The following RBM20 variants were observed in gnomAD, a reference collection of about 807,000 sequenced individuals.
RBM20 encodes the protein RNA-binding protein 20.
A neutral mutation model predicts 110.1 loss-of-function variants in RBM20; 51 were observed. The ratio of observed to expected loss-of-function variants is 0.46; its 90% CI spans 0.37 to 0.59. The LOEUF is 0.59. Ranked by LOEUF, RBM20 falls within the 20% of genes least tolerant of loss-of-function variation. The pLI, the probability that RBM20 is intolerant of heterozygous loss-of-function variation, is 0.00. For synonymous variants in RBM20, 589 were observed against 618.2 expected, an observed-to-expected ratio of 0.95 and a Z score of 0.70; for missense variants, 1,512 against 1,574.9, an observed-to-expected ratio of 0.96 and a Z score of 0.68.
chr10:110,655,176 A>G (rs1862003353), intron 1 of RBM20, among the ~76,000 whole-genome samples: 1 of 152,232 alleles, frequency 6.6e-6, no homozygotes, highest in African/African-American at 2.4e-5. Flanking sequence ...AAAATATTAT[A>G]GAAAAAAATG....
At chr10:110,643,987 T>A (rs1350578151), upstream of RBM20, among the ~76,000 whole-genome samples, 1 of 152,172 alleles carries the variant, frequency 6.6e-6, no homozygotes, top group Admixed American at 6.5e-5. Flanking sequence ...GCCGGAGGAC[T>A]CAGGGCTCCC....
intron 5 of RBM20, among the ~76,000 whole-genome samples, chr10:110,795,409 G>T (rs1844537699): frequency 6.6e-6 from 1 of 152,216 alleles, no homozygotes; most frequent in African/African-American, 2.4e-5. Flanking sequence ...GAAAGTGCTT[G>T]ACCTCTGGAC....
At chr10:110,793,966 G>C (rs1220826533) in intron 5 of RBM20, among the ~76,000 whole-genome samples, 1 of 152,208 alleles carries the variant, frequency 6.6e-6, no homozygotes, top group Middle Eastern at 3.2e-3. Context: ...AGAGAGCCCG[G>C]GTTGGGAATT....
intron 1 of RBM20, among the ~76,000 whole-genome samples, chr10:110,710,516 A>G (rs59081289): frequency 0.28 from 42,224 of 152,032 alleles, 6,129 homozygotes; most frequent in East Asian, 0.32. Context: ...TCAGAGAGCC[A>G]CTTTTCCATC....
At chr10:110,779,892 C>T (rs373935960) in intron 1 of RBM20, among the ~76,000 whole-genome samples, 2 of 152,208 alleles carry the variant, frequency 1.3e-5, no homozygotes, top group Non-Finnish European at 2.9e-5. Context: ...GTGTTTGGCA[C>T]AAATGTAAAC....
At chr10:110,710,542 C>T (rs533154481) in intron 1 of RBM20, among the ~76,000 whole-genome samples, 9 of 152,366 alleles carry the variant, frequency 5.9e-5, no homozygotes, top group African/African-American at 2.2e-4. Flanking sequence ...TTCTCTGCCT[C>T]CCAGTTAAAC....
chr10:110,672,691 A>C (rs1030110772), intron 1 of RBM20, among the ~76,000 whole-genome samples: 4 of 152,186 alleles, frequency 2.6e-5, no homozygotes, highest in Non-Finnish European at 5.9e-5. Flanking sequence ...TTTCTCCTGG[A>C]GTGGGAAGGC....
In RBM20 at chr10:110,655,010, C is replaced by T. The variant is rs1862001576; in HGVS notation, c.191+10365C>T. 3.3e-5 allele frequency among the ~76,000 whole-genome samples: 5 copies of T among 152,168 alleles called. No homozygotes were observed. In the South Asian group the frequency reaches 1.0e-3, roughly 32 times the overall value. Reference sequence around the variant, plus strand: ...TGCAGATGAGGAAACTGAGGCACAACCTTACTAGGACCCAGGAAAGCTAAG... The same window carrying T: ...TGCAGATGAGGAAACTGAGGCACAATCTTACTAGGACCCAGGAAAGCTAAG... On this transcript the variant is annotated intron_variant, in intron 1 of 13. Transcript: ENST00000369519.
At chr10:110,804,707 C>T (rs1844673637) in intron 7 of RBM20, among the ~76,000 whole-genome samples, 1 of 152,170 alleles carries the variant, frequency 6.6e-6, no homozygotes, top group East Asian at 1.9e-4. Flanking sequence ...TTCCTGCAGA[C>T]CTGGACAAGA....
chr10:110,720,628 G>A (rs898320667), intron 1 of RBM20, among the ~76,000 whole-genome samples: 1 of 151,568 alleles, frequency 6.6e-6, no homozygotes, highest in African/African-American at 2.4e-5. Flanking sequence ...TTGGATCCCT[G>A]CAGTGCCTGT....
At chr10:110,728,605 T>C (rs1477239325) in intron 1 of RBM20, among the ~76,000 whole-genome samples, 1 of 152,196 alleles carries the variant, frequency 6.6e-6, no homozygotes, top group Non-Finnish European at 1.5e-5. Context: ...TGTCATTCAT[T>C]GTGCCTACTT....
chr10:110,724,934 G>A (rs770517140), intron 1 of RBM20, among the ~76,000 whole-genome samples: 19 of 152,100 alleles, frequency 1.2e-4, no homozygotes, highest in Non-Finnish European at 2.1e-4. Flanking sequence ...TCAGGTCTTC[G>A]AGGAGGAGTC....
intron 5 of RBM20, among the ~76,000 whole-genome samples, chr10:110,787,240 C>A (rs1844429863): frequency 6.6e-6 from 1 of 152,202 alleles, no homozygotes; most frequent in Non-Finnish European, 1.5e-5. Flanking sequence ...ACATCCCATG[C>A]AGCTCTGCAG....
At chr10:110,832,779 C>T (rs1845073573) in intron 13 of RBM20, among the ~76,000 whole-genome samples, 1 of 152,164 alleles carries the variant, frequency 6.6e-6, no homozygotes, top group Admixed American at 6.5e-5. Flanking sequence ...AGGCTATGCC[C>T]AAACTCAAGT....
At chr10:110,644,195 C>T (rs1041942567), upstream of RBM20, among the ~76,000 whole-genome samples, 2 of 152,162 alleles carry the variant, frequency 1.3e-5, no homozygotes, top group Non-Finnish European at 2.9e-5. This position sits in a 1 kb window ranked among gnomAD's most constrained non-coding sequence, Gnocchi z 4.3. Context: ...CTGAGCAGCC[C>T]CCGGCCGCAG....
At chr10:110,746,358 A>T (rs1843780489) in intron 1 of RBM20, among the ~76,000 whole-genome samples, 1 of 152,336 alleles carries the variant, frequency 6.6e-6, no homozygotes, top group Middle Eastern at 3.4e-3. Context: ...GGCTTCCAGG[A>T]ATTTGTGGCC....
At chr10:110,678,345 G>GA (rs1862371725) in intron 1 of RBM20, among the ~76,000 whole-genome samples, 3 of 152,314 alleles carry the variant, frequency 2.0e-5, no homozygotes, top group South Asian at 4.1e-4. Flanking sequence ...TCACTAAATG[G>GA]AATTCTGTTT....
chr10:110,796,803 C>T (rs1307019267), intron 5 of RBM20, among the ~76,000 whole-genome samples: 4 of 152,142 alleles, frequency 2.6e-5, no homozygotes, highest in Non-Finnish European at 4.4e-5. Context: ...CTTGTCATGG[C>T]TATGTAGTTT....
At chr10:110,744,003 C>T (rs1843750250) in intron 1 of RBM20, among the ~76,000 whole-genome samples, 1 of 152,104 alleles carries the variant, frequency 6.6e-6, no homozygotes, top group Non-Finnish European at 1.5e-5. Flanking sequence ...GGTGGGGGCT[C>T]CAGTCCCCTT....
Sources: gnomAD v4.1 joint callset for allele counts (sites outside exome capture counted in the v4.1 genomes callset) on GRCh38, gnomAD v4.1.1 for gene constraint, Gnocchi (gnomAD v3.1) non-coding constraint, MANE v1.5 for transcripts, NCBI Gene and HGNC (gene_info 2026-07-23, HGNC 2026-07-21) for gene names.